Variants in CADM2 observed in about 807,000 individuals in gnomAD.
CADM2 encodes the protein cell adhesion molecule 2.
Under a neutral mutation model 49.8 loss-of-function variants are expected in CADM2, and 12 were observed. The ratio of observed to expected loss-of-function variants is 0.24; its 90% confidence interval spans 0.15 to 0.39. The LOEUF (loss-of-function observed/expected upper bound fraction) is 0.39. CADM2 is among the 10% of genes least tolerant of loss of function. CADM2 has a pLI of 1.00. For missense variants in CADM2, 378 were observed against 492.3 expected (o/e 0.77, Z 2.20); for synonymous variants, 214 against 175.4 (o/e 1.22, Z -1.74).
At chr3:84,974,556 C>T (rs1422200894) in intron 1 of CADM2, among the ~76,000 whole-genome samples, 1 of 151,930 alleles carries the variant, frequency 6.6e-6, no homozygotes, top group Admixed American at 6.6e-5. Context: ...TGGTGCTGTT[C>T]TGTCATCTTT....
At chr3:85,879,974 C>T (rs1319495919) in intron 3 of CADM2, among the ~76,000 whole-genome samples, 1 of 152,164 alleles carries the variant, frequency 6.6e-6, no homozygotes, top group African/African-American at 2.4e-5. Context: ...TTCCTTCTTC[C>T]TCTTAGAGCC....
intron 1 of CADM2, among the ~76,000 whole-genome samples, chr3:85,117,985 T>C (rs971857818): frequency 2.0e-5 from 3 of 152,288 alleles, no homozygotes; most frequent in Middle Eastern, 3.4e-3. Context: ...GCGTCCTACA[T>C]TGAAGTTTTT....
At chr3:86,059,111 A>G (rs1738331123) in intron 8 of CADM2, among the ~76,000 whole-genome samples, 1 of 151,880 alleles carries the variant, frequency 6.6e-6, no homozygotes, top group South Asian at 2.1e-4. Flanking sequence ...AAAAAAAAAA[A>G]AATTCCAACA....
intron 1 of CADM2, among the ~76,000 whole-genome samples, chr3:85,433,898 T>G (rs1203148496): frequency 1.3e-5 from 2 of 152,068 alleles, no homozygotes; most frequent in African/African-American, 2.4e-5. Context: ...AGTAACCAAT[T>G]TGTTCTCCCG....
intron 1 of CADM2, among the ~76,000 whole-genome samples, chr3:85,444,711 A>G (rs962039608): frequency 1.3e-5 from 2 of 152,186 alleles, no homozygotes; most frequent in African/African-American, 2.4e-5. Context: ...TGTTTTCTAT[A>G]TTATATGACT....
At chr3:85,816,914 T>C (rs980992740) in intron 3 of CADM2, among the ~76,000 whole-genome samples, 1 of 152,216 alleles carries the variant, frequency 6.6e-6, no homozygotes, top group Admixed American at 6.5e-5. Flanking sequence ...TCACCCTCTC[T>C]TCAGGAGATA....
At chr3:85,138,358 C>G (rs2039479214) in intron 1 of CADM2, among the ~76,000 whole-genome samples, 2 of 152,118 alleles carry the variant, frequency 1.3e-5, no homozygotes, top group African/African-American at 4.8e-5. Flanking sequence ...ATACAAGAGA[C>G]TCAGTGAGTC....
intron 8 of CADM2, among the ~76,000 whole-genome samples, chr3:86,059,546 T>A (rs570628930): frequency 1.3e-5 from 2 of 152,194 alleles, no homozygotes; most frequent in Non-Finnish European, 2.9e-5. Flanking sequence ...TGAAATTTAC[T>A]CCAACATTAA....
intron 3 of CADM2, among the ~76,000 whole-genome samples, chr3:85,860,684 G>A (rs2108320732): frequency 6.6e-6 from 1 of 152,218 alleles, no homozygotes; most frequent in Admixed American, 6.5e-5. Context: ...ATTCACGAAA[G>A]CTCTGATCTT....
chr3:85,647,032 G>T (rs1304330867), intron 1 of CADM2, among the ~76,000 whole-genome samples: 1 of 151,688 alleles, frequency 6.6e-6, no homozygotes, highest in African/African-American at 2.4e-5. Flanking sequence ...ACGTAACTTG[G>T]ATTTGTAATC....
intron 1 of CADM2, among the ~76,000 whole-genome samples, chr3:85,532,170 C>G (rs1366878250): frequency 6.8e-6 from 1 of 147,396 alleles, no homozygotes; most frequent in Non-Finnish European, 1.5e-5. Context: ...GAGCGAGACT[C>G]CGTCTCAAAA....
In CADM2 at chr3:85,358,150, G is replaced by T. The variant is rs2107266494; in HGVS notation, c.62-368372G>T. On this transcript the variant is annotated intron_variant, in intron 1 of 9. Transcript: ENST00000383699. ...TAATGAATACTGCAAATTGTATAAT[G>T]AATGCTGCATCCCTGGCTTCTACCA... Among the ~76,000 whole-genome samples the T allele has an allele frequency of 2.0e-5, 3 of 152,172 alleles. No individual in the cohort carries two copies. The Middle Eastern group carries it at 0.01, about 518-fold the overall frequency.
intron 1 of CADM2, among the ~76,000 whole-genome samples, chr3:85,315,064 T>C (rs1373997243): frequency 6.6e-6 from 1 of 152,138 alleles, no homozygotes; most frequent in African/African-American, 2.4e-5. Context: ...TCTTTACTTG[T>C]GTCTTCTAGT....
intron 6 of CADM2, among the ~76,000 whole-genome samples, chr3:85,931,599 GT>G (rs1720600500): frequency 6.6e-6 from 1 of 152,154 alleles, no homozygotes. Context: ...TGCAGCAATG[GT>G]ATCTGATCAG....
chr3:85,857,325 G>A (rs1040616473), intron 3 of CADM2, among the ~76,000 whole-genome samples: 1 of 152,052 alleles, frequency 6.6e-6, no homozygotes, highest in Non-Finnish European at 1.5e-5. Flanking sequence ...AACAAGCTAA[G>A]GGACCACATG....
chr3:85,705,295 T>C (rs2066910068), intron 1 of CADM2, among the ~76,000 whole-genome samples: 1 of 151,620 alleles, frequency 6.6e-6, no homozygotes. Flanking sequence ...CTCTCCCAAG[T>C]GCTTTATGTA....
At chr3:85,178,508 AGAT>A (rs2107699004) in intron 1 of CADM2, among the ~76,000 whole-genome samples, 1 of 152,022 alleles carries the variant, frequency 6.6e-6, no homozygotes, top group Non-Finnish European at 1.5e-5. Context: ...GTGAGAAAGA[AGAT>A]AAATTTAGAA....
intron 8 of CADM2, among the ~76,000 whole-genome samples, chr3:85,996,044 C>T (rs1017458260): frequency 4.0e-5 from 6 of 150,460 alleles, no homozygotes; most frequent in African/African-American, 9.8e-5. Context: ...GAGCCCAGAT[C>T]GTGCCACTGC....
intron 1 of CADM2, among the ~76,000 whole-genome samples, chr3:85,409,253 T>G (rs2035546948): frequency 6.6e-6 from 1 of 152,280 alleles, no homozygotes; most frequent in African/African-American, 2.4e-5. Context: ...TGTACTTGCC[T>G]TTTTGTGTAA....
Sources: gnomAD v4.1 joint callset for allele counts (sites outside exome capture counted in the v4.1 genomes callset) on GRCh38, gnomAD v4.1.1 for gene constraint, MANE v1.5 for transcripts, NCBI Gene and HGNC (gene_info 2026-07-23, HGNC 2026-07-21) for gene names.